Variants in SPACA6 observed in about 807,000 individuals in gnomAD.
SPACA6 encodes sperm acrosome membrane-associated protein 6.
For missense variants in SPACA6, 8 were observed against 2.8 expected (o/e 2.88, Z -1.34); for synonymous variants, 6 against 1.5 (o/e 4.05, Z -2.21).
downstream of SPACA6, among the ~76,000 whole-genome samples, chr19:51,709,754 C>T (rs946186500): frequency 1.3e-5 from 2 of 152,018 alleles, no homozygotes; most frequent in African/African-American, 2.4e-5. Context: ...AAGCAGGCAT[C>T]GCTGTGAGGT....
chr19:51,707,041 C>G (rs891020525), downstream of SPACA6, among the ~76,000 whole-genome samples: 16 of 152,198 alleles, frequency 1.1e-4, no homozygotes, highest in Admixed American at 2.0e-4. Flanking sequence ...TTCTTGTTCA[C>G]TGGTCTATTT....
chr19:51,704,868 C>A, intron 8 of SPACA6: 1 of 352,172 alleles, frequency 2.8e-6, no homozygotes, highest in Non-Finnish European at 4.9e-6. Context: ...CCCTCAGACC[C>A]AGGAGTCCAG....
At chr19:51,685,576 A>T (rs2083324661), upstream of SPACA6, 1 of 152,198 alleles carries the variant, frequency 6.6e-6, no homozygotes, top group Non-Finnish European at 1.5e-5. Context: ...CACTCTATCA[A>T]CCAGGCTGGA....
chr19:51,709,531 C>CAAAAAA (rs56170768), downstream of SPACA6, among the ~76,000 whole-genome samples: 51 of 54,434 alleles, frequency 9.4e-4, 1 homozygote, highest in East Asian at 1.8e-3. Context: ...AAAAAAAAGG[C>CAAAAAA]AAAAAAAAAA....
intron 2 of SPACA6, among the ~76,000 whole-genome samples, chr19:51,695,512 G>A (rs1192747134): frequency 2.6e-5 from 4 of 151,998 alleles, no homozygotes; most frequent in Non-Finnish European, 1.5e-5. Context: ...CAACAATCCC[G>A]GAAGAGGGAA....
chr19:51,705,168 A>G lies in SPACA6; in HGVS notation c.*45A>G, dbSNP rs1403792120. 1 of 401,130 alleles carries G rather than the reference A, an allele frequency of 2.5e-6. No individual in the cohort carries two copies. Among genetic ancestry groups the G allele is most frequent in the Non-Finnish European group, 4.4e-6 (1 of 226,254 alleles). The allele number at this position is 401,130 out of a possible 1,614,324, so 24.8% of individuals were successfully genotyped here. On this transcript the variant is annotated 3_prime_UTR_variant, in exon 9 of 9. Coordinates refer to ENST00000637797, the MANE Select transcript of SPACA6 (RefSeq NM_001316972.2). ...TCCCTATCCTATTTCCATCCTGAAAATAAAGAATATATTTCAACTCTAGAT... is the reference window on the plus strand; with the variant it reads ...TCCCTATCCTATTTCCATCCTGAAAGTAAAGAATATATTTCAACTCTAGAT...
upstream of SPACA6, among the ~76,000 whole-genome samples, chr19:51,690,126 T>G (rs950400064): frequency 1.3e-4 from 20 of 151,138 alleles, no homozygotes; most frequent in African/African-American, 4.9e-4. Context: ...CCATGCTCCC[T>G]CGGGGACCCG....
chr19:51,704,327 T>C lies in SPACA6; in HGVS notation c.788T>C (p.Leu263Pro). 1 of 400,792 alleles carries C rather than the reference T, an allele frequency of 2.5e-6. No individual in the cohort carries two copies. Among genetic ancestry groups the C allele is most frequent in the Non-Finnish European group, 4.4e-6 (1 of 226,084 alleles). 24.8% of individuals were successfully genotyped at this position (400,792 alleles called of 1,614,324 possible). Reference sequence around the variant, plus strand: ...TTGCAGGCCTCGTTCCGGGAAGTGCTGCGCTGGGCGCCGCGGGATGCCGAG... The same window carrying C: ...TTGCAGGCCTCGTTCCGGGAAGTGCCGCGCTGGGCGCCGCGGGATGCCGAG... ...TELQASFREV[L>P]RWAPRDAELI... The change falls in exon 8 of 9, where the codon CTG becomes CCG. Residue 263 changes from leucine (L) to proline (P), a missense_variant. Transcript: ENST00000637797.
intron 2 of SPACA6, among the ~76,000 whole-genome samples, chr19:51,701,162 C>T (rs1372617907): frequency 1.3e-5 from 2 of 152,066 alleles, no homozygotes; most frequent in East Asian, 1.9e-4. Flanking sequence ...GCGGAGGTTG[C>T]GGTGAGCCGA....
chr19:51,702,933 C>G, intron 4 of SPACA6, 88 bp from the exon 5 acceptor site: 1 of 399,160 alleles, frequency 2.5e-6, no homozygotes, highest in East Asian at 3.6e-5. Flanking sequence ...CCGATGGACC[C>G]CGGGAAGCTG....
intron 2 of SPACA6, among the ~76,000 whole-genome samples, chr19:51,695,209 G>A (rs2083420103): frequency 6.6e-6 from 1 of 152,200 alleles, no homozygotes; most frequent in African/African-American, 2.4e-5. Flanking sequence ...TGACTGTCCT[G>A]GTGAGACAGG....
chr19:51,693,246 C>T (rs778235995), upstream of SPACA6: 29 of 691,850 alleles, frequency 4.2e-5, no homozygotes, highest in South Asian at 4.2e-4. Context: ...GGCCACCGCA[C>T]ACCATGTTGC....
chr19:51,698,006 C>CA (rs756011150), intron 2 of SPACA6, among the ~76,000 whole-genome samples: 33 of 152,278 alleles, frequency 2.2e-4, no homozygotes, highest in Non-Finnish European at 4.1e-4. Context: ...GACACCATCT[C>CA]ATACAATCAT....
chr19:51,694,525 C>A lies in SPACA6; in HGVS notation c.262C>A (p.His88Asn). ...HLHDTFTQMT[H>N]ALQELAAAQG... Reference sequence around the variant, plus strand: ...GCATGACACCTTCACCCAGATGACCCATGCCCTGCAGGAGCTGGCTGCTGC... The same window carrying A: ...GCATGACACCTTCACCCAGATGACCAATGCCCTGCAGGAGCTGGCTGCTGC... Residue 88 changes from histidine to asparagine, a missense_variant, in exon 2 of 9, where the codon CAT becomes AAT. Coordinates refer to ENST00000637797, the MANE Select transcript of SPACA6 (RefSeq NM_001316972.2). 2.5e-6 allele frequency: 1 copy of A among 399,614 alleles called. No individual in the cohort carries two copies. The allele number at this position is 399,614 out of a possible 1,614,324, so 24.8% of individuals were successfully genotyped here. A position where few individuals can be genotyped will look rare whatever the true frequency, so the allele number is the denominator to read the frequency against.
chr19:51,694,030 T>A, intron 1 of SPACA6: 1 of 264,042 alleles, frequency 3.8e-6, no homozygotes, highest in Non-Finnish European at 6.7e-6. Context: ...CTCGGAAAGA[T>A]GGAGACTCAG....
intron 2 of SPACA6, among the ~76,000 whole-genome samples, chr19:51,696,113 G>A (rs937806758): frequency 8.5e-5 from 13 of 152,146 alleles, no homozygotes; most frequent in Admixed American, 6.5e-4. Context: ...TCCTCAGGGC[G>A]CTGGGGAGCT....
At chr19:51,697,094 G>A (rs528873473) in intron 2 of SPACA6, among the ~76,000 whole-genome samples, 13 of 152,268 alleles carry the variant, frequency 8.5e-5, no homozygotes, top group African/African-American at 2.4e-4. Context: ...AGACATGGAC[G>A]TTTCTGTCAA....
At chr19:51,708,788 T>C (rs773937296), downstream of SPACA6, among the ~76,000 whole-genome samples, 26 of 151,882 alleles carry the variant, frequency 1.7e-4, no homozygotes, top group Non-Finnish European at 2.2e-4. Context: ...GATTGTGCCA[T>C]TGCACTCCAG....
chr19:51,701,679 C>T lies in SPACA6; in HGVS notation c.314C>T (p.Pro105Leu), dbSNP rs1345740694. Residue 105 changes from proline (P) to leucine (L), a missense_variant, in exon 3 of 9, where the codon CCT becomes CTT. Physicochemically the swap from Pro to Leu is moderately conservative, Grantham distance 98. Transcript: ENST00000637797. ...AAQGSFEVAFPDAAEKMKKVI... is the reference protein window; with the variant it reads ...AAQGSFEVAFLDAAEKMKKVI... ...CCAGGATCCTTTGAGGTTGCCTTCC[C>T]TGATGCTGCGGAGAAAATGAAGAAG... 2 of 398,920 alleles carry T rather than the reference C, an allele frequency of 5.0e-6. No individual in the cohort carries two copies. Among genetic ancestry groups the T allele is most frequent in the Admixed American group, 4.4e-5 (1 of 22,702 alleles). The allele number at this position is 398,920 out of a possible 1,614,324, so 24.7% of individuals were successfully genotyped here. A position where few individuals can be genotyped will look rare whatever the true frequency, so the allele number is the denominator to read the frequency against.
Sources: gnomAD v4.1 joint callset for allele counts (sites outside exome capture counted in the v4.1 genomes callset) on GRCh38, gnomAD v4.1.1 for gene constraint, MANE v1.5 for transcripts, NCBI Gene and HGNC (gene_info 2026-07-23, HGNC 2026-07-21) for gene names.